Variants in DHODH observed in about 807,000 individuals in gnomAD.
DHODH encodes dihydroorotate dehydrogenase (quinone).
A neutral mutation model predicts 39.7 loss-of-function variants in DHODH; 30 were observed. That is an observed-to-expected ratio of 0.76 (90% CI 0.57 to 1.02). DHODH has a LOEUF of 1.02. Among genes scored for constraint, DHODH ranks in the 50% least tolerant of loss-of-function variants. DHODH has a pLI of 0.00. For synonymous variants in DHODH, 222 were observed against 213.8 expected (o/e 1.04, Z -0.34); for missense variants, 531 against 520.8 (o/e 1.02, Z -0.19).
rs1182203280 is a variant in DHODH, at chr16:72,023,606, T to A, written c.1106T>A (p.Val369Asp). The A allele has an allele frequency of 1.2e-6, 2 of 1,614,064 alleles. No individual in the cohort carries two copies. The highest frequency in any genetic ancestry group is 1.7e-6 in the Non-Finnish European group (2 of 1,180,024). ...TGGGGGCCACCCGTTGTGGGCAAAG[T>A]CAAGCGGGAACTGGAGGCCCTTCTG... The part of the protein sequence containing the change: ...TFWGPPVVGK[V>D]KRELEALLKE... Residue 369 changes from valine to aspartate, a missense_variant, in exon 8 of 9, where the codon GTC becomes GAC. By Grantham distance (152) the Val-to-Asp change is radical (BLOSUM62 -3). Transcript: ENST00000219240.
At chr16:72,021,759 T>C (rs2041220038) in intron 5 of DHODH, among the ~76,000 whole-genome samples, 1 of 152,174 alleles carries the variant, frequency 6.6e-6, no homozygotes, top group South Asian at 2.1e-4. Flanking sequence ...AACCCAGGAA[T>C]TTGAGACCAG....
At chr16:72,015,646 T>G in intron 3 of DHODH, 1 of 964,522 alleles carries the variant, frequency 1.0e-6, no homozygotes, top group Non-Finnish European at 1.2e-6. Flanking sequence ...TTCTCCAGCA[T>G]TAGAGATCAA....
intron 2 of DHODH, 99 bp downstream of exon 2, chr16:72,012,361 C>T: frequency 9.5e-7 from 1 of 1,055,038 alleles, no homozygotes; most frequent in Non-Finnish European, 1.4e-6. Flanking sequence ...ACCAGAACCC[C>T]AAGTGAGCAG....
In DHODH at chr16:72,026,163, C is replaced by A. The variant is rs2041275082; in HGVS notation, c.*1964C>A. The A allele has an allele frequency of 6.6e-6, 1 of 152,314 alleles. No homozygotes were observed. The highest frequency in any genetic ancestry group is 2.1e-4 in the South Asian group (1 of 4,834). The allele number at this position is 152,314 out of a possible 1,614,324, so 9.4% of individuals were successfully genotyped here. A position where few individuals can be genotyped will look rare whatever the true frequency, so the allele number is the denominator to read the frequency against. ...TTTCCTCAGCCTGGGCTCCGACATG[C>A]CACGTCAGGTGCCAGCGCACATACT... On this transcript the variant is annotated 3_prime_UTR_variant, in exon 9 of 9. Transcript: ENST00000219240.
At chr16:72,008,997 G>A in intron 1 of DHODH, 1 of 1,467,034 alleles carries the variant, frequency 6.8e-7, no homozygotes, top group East Asian at 2.5e-5. Context: ...GCGCCTGCAG[G>A]TCTGGGTGGG....
intron 1 of DHODH, 115 bp from the exon 2 acceptor site, chr16:72,011,935 G>T (rs1047946076): frequency 2.6e-6 from 2 of 770,104 alleles, no homozygotes; most frequent in Admixed American, 2.0e-5. Context: ...GAAGGCTAAG[G>T]GCGTCTGTTT....
intron 4 of DHODH, among the ~76,000 whole-genome samples, chr16:72,019,147 G>T (rs745582525): frequency 6.6e-6 from 1 of 152,092 alleles, no homozygotes; most frequent in African/African-American, 2.4e-5. Flanking sequence ...GTAGAGACAG[G>T]GTTTCACCGT....
Position 72,025,249 on chromosome 16 carries a change from C to T in DHODH, c.*1050C>T, listed in dbSNP as rs1439000574. ...AGACATGCCTTTCTGTCTGTCCTCCCAGACTTTTCCCCTGCATAAAGATGT... is the reference window on the plus strand; with the variant it reads ...AGACATGCCTTTCTGTCTGTCCTCCTAGACTTTTCCCCTGCATAAAGATGT... On this transcript the variant is annotated 3_prime_UTR_variant, in exon 9 of 9. Coordinates refer to ENST00000219240, the MANE Select transcript of DHODH (RefSeq NM_001361.5). 6.6e-6 allele frequency: 1 copy of T among 152,230 alleles called. No homozygotes were observed. Among genetic ancestry groups the T allele is most frequent in the Non-Finnish European group, 1.5e-5 (1 of 68,048 alleles). 9.4% of individuals were successfully genotyped at this position (152,230 alleles called of 1,614,324 possible).
chr16:72,009,567 TG>T (rs375408191), intron 1 of DHODH, among the ~76,000 whole-genome samples: 6 of 131,474 alleles, frequency 4.6e-5, no homozygotes, highest in Admixed American at 3.9e-4. Flanking sequence ...ATTGACATGG[TG>T]GGGGGGAGTA....
Position 72,014,808 on chromosome 16 carries a change from C to G in DHODH, c.434+136C>G. 4.4e-6 allele frequency: 4 copies of G among 901,078 alleles called. No individual in the cohort carries two copies. The East Asian group carries it at 7.9e-5, about 18-fold the overall frequency. The allele number at this position is 901,078 out of a possible 1,614,324, so 55.8% of individuals were successfully genotyped here. A position where few individuals can be genotyped will look rare whatever the true frequency, so the allele number is the denominator to read the frequency against. On this transcript the variant is annotated intron_variant, in intron 3 of 8. Coordinates refer to ENST00000219240, the MANE Select transcript of DHODH (RefSeq NM_001361.5). ...CTGTCATTTGGAATGTTCAGGAACC[C>G]TGTTCAGCATCTACTATGTGCCCCA...
In DHODH at chr16:72,012,096, T is replaced by C; in HGVS notation, c.68T>C (p.Leu23Pro). The C allele has an allele frequency of 3.7e-6, 6 of 1,614,188 alleles. No homozygotes were observed. Among genetic ancestry groups the C allele is most frequent in the Non-Finnish European group, 5.1e-6 (6 of 1,180,032 alleles). ...AVIILGGGGL[L>P]FASYLMATGD... Reference sequence around the variant, plus strand: ...ATCATCCTGGGGGGAGGAGGACTTCTCTTCGCCTCCTACCTGATGGCCACG... The same window carrying C: ...ATCATCCTGGGGGGAGGAGGACTTCCCTTCGCCTCCTACCTGATGGCCACG... The change falls in exon 2 of 9, where the codon CTC (leucine) becomes CCC (proline). Residue 23 changes from leucine (L) to proline (P), a missense_variant. Leu to Pro is a moderately conservative substitution (Grantham distance 98). Coordinates refer to ENST00000219240, the MANE Select transcript of DHODH (RefSeq NM_001361.5).
chr16:72,021,168 G>C lies in DHODH; in HGVS notation c.562G>C (p.Val188Leu), dbSNP rs2041210355. ...CAACTTGGGGAAGAACAAGACCTCA[G>C]TGGACGCCGCGGAGGACTACGCAGA... ...GVNLGKNKTS[V>L]DAAEDYAEGV... Residue 188 changes from valine to leucine, a missense_variant, in exon 5 of 9, where the codon GTG (valine) becomes CTG (leucine). Coordinates refer to ENST00000219240, the MANE Select transcript of DHODH (RefSeq NM_001361.5). 6.2e-7 allele frequency: 1 copy of C among 1,609,586 alleles called. No individual in the cohort carries two copies. Among genetic ancestry groups the C allele is most frequent in the Non-Finnish European group, 8.5e-7 (1 of 1,178,092 alleles).
chr16:72,018,170 C>A (rs1428854960), intron 4 of DHODH, among the ~76,000 whole-genome samples: 2 of 152,236 alleles, frequency 1.3e-5, no homozygotes, highest in African/African-American at 4.8e-5. Flanking sequence ...TCGCAGCCCT[C>A]TGTTGTCCTG....
At chr16:72,020,203 GGGACGGA>G (rs895615014) in intron 4 of DHODH, among the ~76,000 whole-genome samples, 26 of 151,152 alleles carry the variant, frequency 1.7e-4, no homozygotes, top group African/African-American at 5.4e-4. Flanking sequence ...TTGAATTCAG[GGGACGGA>G]GGTTGCAGTG....
intron 4 of DHODH, among the ~76,000 whole-genome samples, chr16:72,018,984 A>C (rs552507020): frequency 6.6e-6 from 1 of 152,190 alleles, no homozygotes; most frequent in African/African-American, 2.4e-5. Context: ...CTTTTGAGAC[A>C]GAGTCTCCCG....
chr16:72,022,387 G>A lies in DHODH; in HGVS notation c.731G>A (p.Arg244Gln), dbSNP rs767012109. The part of the protein sequence containing the change: ...TKVLQERDGL[R>Q]RVHRPAVLVK... Reference sequence around the variant, plus strand: ...GTGCTGCAGGAGAGGGATGGCTTGCGGAGAGTGCACAGGCCGGCAGTCCTG... The same window carrying A: ...GTGCTGCAGGAGAGGGATGGCTTGCAGAGAGTGCACAGGCCGGCAGTCCTG... The change falls in exon 6 of 9, where the codon CGG (arginine) becomes CAG (glutamine). Residue 244 changes from arginine (R) to glutamine (Q), a missense_variant. Arg to Gln is a conservative substitution (Grantham distance 43). Coordinates refer to ENST00000219240, the MANE Select transcript of DHODH (RefSeq NM_001361.5). 50 of 1,555,254 alleles carry A rather than the reference G, an allele frequency of 3.2e-5. No individual in the cohort carries two copies. The highest frequency in any genetic ancestry group is 7.1e-5 in the South Asian group (6 of 84,264).
chr16:72,019,895 ACT>A (rs951602859), intron 4 of DHODH, among the ~76,000 whole-genome samples: 1 of 152,144 alleles, frequency 6.6e-6, no homozygotes, highest in Non-Finnish European at 1.5e-5. Context: ...TAATCCTAAC[ACT>A]CTGGAAGGCC....
At chr16:72,020,880 A>G (rs2041205596) in intron 4 of DHODH, among the ~76,000 whole-genome samples, 1 of 152,244 alleles carries the variant, frequency 6.6e-6, no homozygotes, top group Admixed American at 6.5e-5. Context: ...TTAAAAATAA[A>G]AAGGGCAAAA....
intron 3 of DHODH, chr16:72,015,659 T>G: frequency 1.0e-6 from 1 of 976,276 alleles, no homozygotes; most frequent in Non-Finnish European, 1.2e-6. Context: ...GAGATCAAGT[T>G]ATTGATCTTT....
Sources: allele counts gnomAD v4.1 joint callset (sites outside exome capture counted in the v4.1 genomes callset), GRCh38; gene constraint gnomAD v4.1.1; transcripts MANE v1.5; gene names NCBI Gene and HGNC (gene_info 2026-07-23, HGNC 2026-07-21).